Variants in ANKDD1A observed in about 807,000 individuals in gnomAD.
ANKDD1A encodes the protein ankyrin repeat and death domain-containing protein 1A.
In ANKDD1A, 59 loss-of-function variants were observed where a neutral mutation model predicts 63.5. The observed-to-expected ratio is 0.93, with a 90% CI of 0.75 to 1.15. ANKDD1A has a LOEUF of 1.15. ANKDD1A is among the 50% of genes most tolerant of loss of function. The probability of loss-of-function intolerance (pLI) is 0.00; values close to 1 mark genes in which losing one functional copy is unlikely to be tolerated. For synonymous variants in ANKDD1A, 266 were observed against 263.9 expected, an observed-to-expected ratio of 1.01 and a Z score of -0.08; for missense variants, 632 against 656.4, an observed-to-expected ratio of 0.96 and a Z score of 0.41.
At chr15:64,929,182 AT>A (rs937725508) in intron 6 of ANKDD1A, among the ~76,000 whole-genome samples, 1 of 151,590 alleles carries the variant, frequency 6.6e-6, no homozygotes, top group Admixed American at 6.6e-5. Flanking sequence ...GCTGAATTCA[AT>A]TTTTTTTTGA....
intron 9 of ANKDD1A, among the ~76,000 whole-genome samples, chr15:64,940,460 T>C (rs571342814): frequency 2.8e-4 from 43 of 151,982 alleles, no homozygotes; most frequent in Admixed American, 2.5e-3. Context: ...TGAGACAGAG[T>C]CTTGCTCTGT....
At chr15:64,954,532 CTCCTTCTCCTTCTTCTTTTCTTCT>C (rs1191565482) in intron 14 of ANKDD1A, among the ~76,000 whole-genome samples, 2 of 18,450 alleles carry the variant, frequency 1.1e-4, no homozygotes, top group East Asian at 8.9e-3. Context: ...CTCCTTCTTC[CTCCTTCTCCTTCTTCTTTTCTTCT>C]TCCTTCTCCT....
chr15:64,952,788 CTTCTTCTT>C (rs1220250078), intron 14 of ANKDD1A, among the ~76,000 whole-genome samples: 5 of 3,112 alleles, frequency 1.6e-3, no homozygotes, highest in Non-Finnish European at 9.8e-3. Context: ...CTTCCTTCTC[CTTCTTCTT>C]TTCTTCTCCT....
chr15:64,940,032 T>G (rs1369712317), intron 9 of ANKDD1A, among the ~76,000 whole-genome samples: 1 of 151,664 alleles, frequency 6.6e-6, no homozygotes, highest in Non-Finnish European at 1.5e-5. Flanking sequence ...CTGCAAAGGA[T>G]CTGTTAAGAG....
chr15:64,931,057 A>C, intron 7 of ANKDD1A, 137 bp downstream of exon 7: 3 of 865,158 alleles, frequency 3.5e-6, no homozygotes, highest in Non-Finnish European at 5.3e-6. Context: ...CCACCAGGGA[A>C]AGACAAGCAG....
chr15:64,954,785 C>T (rs1202783785), intron 14 of ANKDD1A, among the ~76,000 whole-genome samples: 1 of 144,516 alleles, frequency 6.9e-6, no homozygotes, highest in Non-Finnish European at 1.5e-5. Context: ...TCTCCTTCTT[C>T]CTTCTCCTTA....
chr15:64,944,073 G>A (rs563847925), intron 11 of ANKDD1A, among the ~76,000 whole-genome samples: 4 of 152,330 alleles, frequency 2.6e-5, no homozygotes, highest in Non-Finnish European at 4.4e-5. Context: ...GTGACTCAGC[G>A]AGGCCAGCCT....
intron 2 of ANKDD1A, 133 bp downstream of exon 2, chr15:64,916,033 CTGT>C: frequency 1.2e-6 from 1 of 813,112 alleles, no homozygotes; most frequent in Non-Finnish European, 1.9e-6. Context: ...GGCTCGGGCT[CTGT>C]CCTCATGGCC....
chr15:64,944,770 C>A (rs780883213), intron 12 of ANKDD1A, 23 bp downstream of exon 12: 2 of 1,609,758 alleles, frequency 1.2e-6, no homozygotes, highest in South Asian at 1.1e-5. Flanking sequence ...CACGCTTGAT[C>A]TTTCCTCATT....
intron 14 of ANKDD1A, among the ~76,000 whole-genome samples, chr15:64,954,571 CTCCTTCTTCCTTATTCT>C (rs2085390926): frequency 7.0e-6 from 1 of 143,426 alleles, no homozygotes; most frequent in African/African-American, 2.6e-5. Flanking sequence ...TCTCCTTGTT[CTCCTTCTTCCTTATTCT>C]TCCTTCTTCT....
chr15:64,940,731 C>T (rs755020538), intron 9 of ANKDD1A, among the ~76,000 whole-genome samples: 50 of 151,714 alleles, frequency 3.3e-4, no homozygotes, highest in African/African-American at 1.2e-3. Flanking sequence ...AGCCACTGCA[C>T]CTGGCCTAGA....
In ANKDD1A at chr15:64,942,407, C is replaced by T. The variant is rs117054387; in HGVS notation, c.868-60C>T. ...TCCCTCCTCCTGTCCCCAGCACCAG[C>T]CTGCAGCTGGGCAGTCCTGGGAGGG... On this transcript the variant is annotated intron_variant, in intron 9 of 14. Coordinates refer to ENST00000319580, the MANE Select transcript of ANKDD1A (RefSeq NM_182703.6). The T allele has an allele frequency of 5.0e-3, 6,704 of 1,348,950 alleles. 24 individuals carry two copies. Among genetic ancestry groups the T allele is most frequent in the Non-Finnish European group, 6.2e-3 (6,024 of 973,766 alleles). 83.6% of individuals were successfully genotyped at this position (1,348,950 alleles called of 1,614,324 possible).
rs1472903050 is a variant in ANKDD1A at position 64,953,628 on chromosome 15, T to TTCTTAGTTCTTCTTCTTCTTCCTTCTTTC, written c.1484-3473_1484-3472insTTAGTTCTTCTTCTTCTTCCTTCTTTCTC. ...CTTTCTTCTCTCCTTCTTCTTCTTC[T>TTCTTAGTTCTTCTTCTTCTTCCTTCTTTC]TCCTTCTTCTTCCTCTTCCTTCTCC... is the stretch of plus-strand genomic sequence containing the variant. On this transcript the variant is annotated intron_variant, in intron 14 of 14. Coordinates refer to ENST00000319580, the MANE Select transcript of ANKDD1A (RefSeq NM_182703.6). Among the ~76,000 whole-genome samples, 152 of 125,750 alleles carry TTCTTAGTTCTTCTTCTTCTTCCTTCTTTC rather than the reference T, an allele frequency of 1.2e-3. 4 individuals are homozygous for TTCTTAGTTCTTCTTCTTCTTCCTTCTTTC. The highest frequency in any genetic ancestry group is 2.3e-3 in the South Asian group (8 of 3,504). The allele number at this position is 125,750 out of a possible 152,430, so 82.5% of individuals were successfully genotyped here.
At chr15:64,930,532 T>C (rs2085081204) in intron 6 of ANKDD1A, among the ~76,000 whole-genome samples, 2 of 152,190 alleles carry the variant, frequency 1.3e-5, no homozygotes, top group Admixed American at 6.5e-5. Context: ...GCTGGGGCCT[T>C]GAGCCGTGAG....
rs749576103 is a variant in ANKDD1A at position 64,926,905 on chromosome 15, G to A, written c.476G>A (p.Gly159Glu). The change falls in exon 6 of 15, where the codon GGG becomes GAG. Residue 159 changes from glycine (G) to glutamate (E), a missense_variant. Physicochemically the swap from Gly to Glu is moderately conservative, Grantham distance 98 (BLOSUM62 -2). Coordinates refer to ENST00000319580, the MANE Select transcript of ANKDD1A (RefSeq NM_182703.6). The part of the protein sequence containing the change: ...DVALDHVDKL[G>E]RTAFHRAAEH... ...ACCGCTTCTCCTCCCGGCCAGCTGG[G>A]GAGGACGGCGTTTCACAGGGCAGCT... 1.2e-6 allele frequency: 2 copies of A among 1,614,176 alleles called. No individual in the cohort carries two copies. The highest frequency in any genetic ancestry group is 1.7e-6 in the Non-Finnish European group (2 of 1,180,022).
chr15:64,953,890 C>T (rs1326535741), intron 14 of ANKDD1A, among the ~76,000 whole-genome samples: 1,320 of 102,862 alleles, frequency 0.013, 26 homozygotes, highest in African/African-American at 0.043. Flanking sequence ...TTTCTTCTTC[C>T]TCTTTTCTTT....
At chr15:64,954,754 C>T (rs200121606) in intron 14 of ANKDD1A, among the ~76,000 whole-genome samples, 3 of 67,904 alleles carry the variant, frequency 4.4e-5, no homozygotes, top group Non-Finnish European at 1.3e-4. Flanking sequence ...CTTCTTCTTT[C>T]TTTTTGTTCT....
chr15:64,944,532 C>G (rs568421209), intron 11 of ANKDD1A, 120 bp from the exon 12 acceptor site: 5 of 842,702 alleles, frequency 5.9e-6, no homozygotes, highest in Non-Finnish European at 9.1e-6. Flanking sequence ...CCTTTCTGCT[C>G]TCAGCGTAGA....
chr15:64,937,499 C>T (rs2085143656), intron 9 of ANKDD1A, among the ~76,000 whole-genome samples: 1 of 152,030 alleles, frequency 6.6e-6, no homozygotes, highest in East Asian at 1.9e-4. Flanking sequence ...GAGGCTGAGG[C>T]AGGTGGATCA....
Sources: allele counts gnomAD v4.1 joint callset (sites outside exome capture counted in the v4.1 genomes callset), GRCh38; gene constraint gnomAD v4.1.1; transcripts MANE v1.5; gene names NCBI Gene and HGNC (gene_info 2026-07-23, HGNC 2026-07-21).